Variants in BTBD9 observed in about 807,000 individuals in gnomAD.
BTBD9 encodes the protein BTB domain containing 9.
A neutral mutation model predicts 64.3 loss-of-function variants in BTBD9; 49 were observed. That is an observed-to-expected ratio of 0.76 (90% CI 0.61 to 0.97). The LOEUF (loss-of-function observed/expected upper bound fraction) is 0.97, where lower values mean the gene tolerates loss of function less well. Among genes scored for constraint, BTBD9 ranks in the 50% least tolerant of loss-of-function variants. The probability of loss-of-function intolerance (pLI) is 0.00; values close to 1 mark genes in which losing one functional copy is unlikely to be tolerated. For missense variants in BTBD9, 598 were observed against 762.1 expected (o/e 0.78, Z 2.53); for synonymous variants, 260 against 274.7 (o/e 0.95, Z 0.53).
At chr6:38,227,705 A>G (rs559835936) in intron 9 of BTBD9, among the ~76,000 whole-genome samples, 2 of 152,292 alleles carry the variant, frequency 1.3e-5, no homozygotes, top group African/African-American at 4.8e-5. Flanking sequence ...TCTGCTGCTG[A>G]CAGAGCTCTG....
At chr6:38,211,093 G>A (rs1356177870) in intron 9 of BTBD9, among the ~76,000 whole-genome samples, 1 of 152,184 alleles carries the variant, frequency 6.6e-6, no homozygotes, top group East Asian at 1.9e-4. Context: ...ATGTTGCAAA[G>A]TTCAAGTCTC....
chr6:38,550,081 T>G (rs1216329303), intron 6 of BTBD9, among the ~76,000 whole-genome samples: 1 of 152,120 alleles, frequency 6.6e-6, no homozygotes, highest in Admixed American at 6.5e-5. Flanking sequence ...ACTTCTAAAT[T>G]TATGTATCCA....
chr6:38,292,952 A>AT (rs1026295745), intron 7 of BTBD9, among the ~76,000 whole-genome samples: 20 of 152,242 alleles, frequency 1.3e-4, no homozygotes, highest in African/African-American at 4.8e-4. Flanking sequence ...TCCTGTGGGC[A>AT]TTTAGTGCTA....
At chr6:38,412,557 T>TA (rs775919553) in intron 6 of BTBD9, among the ~76,000 whole-genome samples, 1,544 of 138,252 alleles carry the variant, frequency 0.011, 6 homozygotes, top group African/African-American at 0.013. Context: ...TGGACTACAT[T>TA]AAAAAAAAAA....
chr6:38,236,002 G>C (rs1763765767), intron 9 of BTBD9, among the ~76,000 whole-genome samples: 1 of 152,202 alleles, frequency 6.6e-6, no homozygotes, highest in Non-Finnish European at 1.5e-5. Context: ...TGGGAAAACA[G>C]GGCTGCGTAT....
At chr6:38,284,084 G>C (rs1315636395) in intron 8 of BTBD9, among the ~76,000 whole-genome samples, 1 of 152,110 alleles carries the variant, frequency 6.6e-6, no homozygotes, top group African/African-American at 2.4e-5. Context: ...TCACAGAAGA[G>C]GCAAATGCAG....
chr6:38,539,905 T>C (rs1774193205), intron 6 of BTBD9, among the ~76,000 whole-genome samples: 1 of 152,222 alleles, frequency 6.6e-6, no homozygotes, highest in African/African-American at 2.4e-5. Flanking sequence ...CTATTAGAGT[T>C]CACAGGCTAA....
chr6:38,606,518 T>A (rs1777437715), intron 1 of BTBD9, among the ~76,000 whole-genome samples: 1 of 152,140 alleles, frequency 6.6e-6, no homozygotes, highest in Non-Finnish European at 1.5e-5. Context: ...ATTAAATCAT[T>A]TGAAACATAC....
Position 38,412,124 on chromosome 6 carries a change from T to C in BTBD9, c.1155-67031A>G, listed in dbSNP as rs114591646. Among the ~76,000 whole-genome samples the C allele has an allele frequency of 5.0e-3, 765 of 151,600 alleles. 10 individuals are homozygous for C. The highest frequency in any genetic ancestry group is 6.6e-3 in the Non-Finnish European group (448 of 67,856). The stretch of plus-strand genomic sequence containing the variant: ...AAAAAGACTGATCAATCTGACTACA[T>C]AAAAAACAAAATTCTACATACTAAA... On this transcript the variant is annotated intron_variant, in intron 6 of 10. Transcript: ENST00000481247.
intron 1 of BTBD9, among the ~76,000 whole-genome samples, chr6:38,622,464 T>A (rs1326874061): frequency 6.6e-6 from 1 of 152,150 alleles, no homozygotes; most frequent in Non-Finnish European, 1.5e-5. Flanking sequence ...CACAGTAACT[T>A]AGGGAATTTC....
chr6:38,623,889 C>T (rs1441817615), intron 1 of BTBD9, among the ~76,000 whole-genome samples: 1 of 152,238 alleles, frequency 6.6e-6, no homozygotes, highest in Non-Finnish European at 1.5e-5. Flanking sequence ...GACTGACCCA[C>T]TGGCCCTCTG....
chr6:38,440,884 C>T (rs1223052524), intron 6 of BTBD9, among the ~76,000 whole-genome samples: 1 of 152,178 alleles, frequency 6.6e-6, no homozygotes, highest in Non-Finnish European at 1.5e-5. Context: ...TTTTCTAATA[C>T]AGCATTGGCC....
rs140387817 is a variant in BTBD9, at chr6:38,439,617, G to C, written c.1155-94524C>G. On this transcript the variant is annotated intron_variant, in intron 6 of 10. Transcript: ENST00000481247. ...AATTTTTGAATTTTTAGTAGAGATG[G>C]GGTTTCACCATGTTGGCCAGGCTGG... 7.2e-3 allele frequency among the ~76,000 whole-genome samples: 1,099 copies of C among 152,062 alleles called. 8 individuals are homozygous for C. Among genetic ancestry groups the C allele is most frequent in the African/African-American group, 0.024 (1,004 of 41,466 alleles).
At position 38,174,850 on chromosome 6, in the gene BTBD9, G is replaced by T; in HGVS notation, c.*135C>A. On this transcript the variant is annotated 3_prime_UTR_variant, in exon 11 of 11. Coordinates refer to ENST00000481247, the MANE Select transcript of BTBD9 (RefSeq NM_001099272.2). ...TTGGGAGAAAACCTGTTCGGTGTCTGCTTTTGCAGCTAGGTCGGCTCCTCC... is the reference window on the plus strand; with the variant it reads ...TTGGGAGAAAACCTGTTCGGTGTCTTCTTTTGCAGCTAGGTCGGCTCCTCC... 9.8e-7 allele frequency: 1 copy of T among 1,023,298 alleles called. No individual in the cohort carries two copies. The highest frequency in any genetic ancestry group is 1.5e-5 in the South Asian group (1 of 66,018). 63.4% of individuals were successfully genotyped at this position (1,023,298 alleles called of 1,614,324 possible). A position where few individuals can be genotyped will look rare whatever the true frequency, so the allele number is the denominator to read the frequency against.
At chr6:38,273,479 C>T (rs910738596) in intron 8 of BTBD9, among the ~76,000 whole-genome samples, 3 of 152,172 alleles carry the variant, frequency 2.0e-5, no homozygotes, top group Non-Finnish European at 4.4e-5. Flanking sequence ...TCTCATTACA[C>T]AGTCATGCAA....
At chr6:38,459,663 TAA>T (rs2127350205) in intron 6 of BTBD9, among the ~76,000 whole-genome samples, 1 of 152,312 alleles carries the variant, frequency 6.6e-6, no homozygotes, top group Admixed American at 6.5e-5. Context: ...TTTGTTATGC[TAA>T]GTTACTGAGA....
intron 9 of BTBD9, among the ~76,000 whole-genome samples, chr6:38,244,406 T>G (rs1402096287): frequency 6.6e-6 from 1 of 152,186 alleles, no homozygotes; most frequent in Non-Finnish European, 1.5e-5. Flanking sequence ...ACAGACTCTT[T>G]CCTGCTGGGA....
intron 6 of BTBD9, among the ~76,000 whole-genome samples, chr6:38,537,157 A>T (rs1774056427): frequency 6.6e-6 from 1 of 152,202 alleles, no homozygotes; most frequent in African/African-American, 2.4e-5. Flanking sequence ...AAATACTTGT[A>T]GACTGTAGAA....
intron 7 of BTBD9, among the ~76,000 whole-genome samples, chr6:38,306,043 T>C (rs1467841036): frequency 6.6e-6 from 1 of 152,238 alleles, no homozygotes; most frequent in Non-Finnish European, 1.5e-5. Context: ...TCTTTCTTAC[T>C]GGGAAAAATT....
Sources: allele counts gnomAD v4.1 joint callset (sites outside exome capture counted in the v4.1 genomes callset), GRCh38; gene constraint gnomAD v4.1.1; transcripts MANE v1.5; gene names NCBI Gene and HGNC (gene_info 2026-07-23, HGNC 2026-07-21).